The following SYT1 variants were observed in gnomAD, a reference collection of about 807,000 sequenced individuals.
The protein encoded by SYT1 is synaptotagmin-1.
A neutral mutation model predicts 44.8 loss-of-function variants in SYT1; 8 were observed. The observed-to-expected ratio is 0.18, with a 90% confidence interval of 0.10 to 0.32. The LOEUF is 0.32. SYT1 is among the 10% of genes least tolerant of loss of function. SYT1 has a pLI of 1.00. For missense variants in SYT1, 286 were observed against 509.3 expected (o/e 0.56, Z 4.22); for synonymous variants, 154 against 188.8 (o/e 0.82, Z 1.51).
intron 9 of SYT1, among the ~76,000 whole-genome samples, chr12:79,382,391 T>C (rs1432795083): frequency 1.3e-5 from 2 of 152,132 alleles, no homozygotes; most frequent in Non-Finnish European, 2.9e-5. Flanking sequence ...GTATCCTGAC[T>C]TCAAGGAATT....
chr12:79,205,644 A>C (rs1874077535), intron 3 of SYT1, among the ~76,000 whole-genome samples: 1 of 152,204 alleles, frequency 6.6e-6, no homozygotes, highest in Non-Finnish European at 1.5e-5. Context: ...TCTGTATATC[A>C]CTTTAGTAAT....
At chr12:79,078,565 T>C (rs1367358784) in intron 3 of SYT1, among the ~76,000 whole-genome samples, 1 of 152,132 alleles carries the variant, frequency 6.6e-6, no homozygotes, top group Admixed American at 6.6e-5. Flanking sequence ...CTGGGGTTCA[T>C]GTGCAGGATG....
intron 3 of SYT1, among the ~76,000 whole-genome samples, chr12:79,092,899 C>G (rs1877875399): frequency 6.6e-6 from 1 of 151,568 alleles, no homozygotes; most frequent in South Asian, 2.1e-4. Flanking sequence ...AAGTCATTGA[C>G]AAGGAAATGT....
At chr12:78,887,551 GTACAC>G (rs745677660) in intron 1 of SYT1, among the ~76,000 whole-genome samples, 1 of 151,858 alleles carries the variant, frequency 6.6e-6, no homozygotes, top group Non-Finnish European at 1.5e-5. Flanking sequence ...TCCATGCATG[GTACAC>G]ATAATTATTG....
chr12:78,936,911 T>C (rs1350879528), intron 1 of SYT1, among the ~76,000 whole-genome samples: 1 of 152,180 alleles, frequency 6.6e-6, no homozygotes, highest in South Asian at 2.1e-4. Flanking sequence ...AAGGTACCCC[T>C]GAAACTTAGG....
intron 8 of SYT1, among the ~76,000 whole-genome samples, chr12:79,334,095 C>T (rs73352976): frequency 4.6e-5 from 7 of 151,986 alleles, no homozygotes; most frequent in South Asian, 2.1e-4. Flanking sequence ...ACTGAGTATA[C>T]GCTATGTGCT....
At chr12:79,138,942 A>G (rs1367559627) in intron 3 of SYT1, among the ~76,000 whole-genome samples, 1 of 152,238 alleles carries the variant, frequency 6.6e-6, no homozygotes, top group Non-Finnish European at 1.5e-5. Context: ...ATTTTTAAAA[A>G]TCAGAATTTA....
intron 2 of SYT1, among the ~76,000 whole-genome samples, chr12:78,981,127 T>A (rs900618323): frequency 8.1e-6 from 1 of 124,050 alleles, no homozygotes; most frequent in South Asian, 2.2e-4. Flanking sequence ...GTTTCTTTGT[T>A]TTTTTTTTTT....
At chr12:79,235,915 C>G (rs978847328) in intron 4 of SYT1, among the ~76,000 whole-genome samples, 2 of 152,128 alleles carry the variant, frequency 1.3e-5, no homozygotes, top group Non-Finnish European at 1.5e-5. Context: ...AATTCACTTT[C>G]TTTTCTTTTT....
chr12:79,398,540 A>G (rs1884955636), intron 9 of SYT1, among the ~76,000 whole-genome samples: 1 of 152,212 alleles, frequency 6.6e-6, no homozygotes, highest in Admixed American at 6.5e-5. Flanking sequence ...AACGTTTAAC[A>G]GAATATGGTC....
At chr12:79,047,874 G>A (rs1032941262) in intron 3 of SYT1, among the ~76,000 whole-genome samples, 14 of 151,802 alleles carry the variant, frequency 9.2e-5, no homozygotes, top group African/African-American at 3.4e-4. Context: ...TTAACTAAAA[G>A]TGTATTTCCT....
At chr12:79,399,196 T>C (rs991810488) in intron 9 of SYT1, among the ~76,000 whole-genome samples, 2 of 152,186 alleles carry the variant, frequency 1.3e-5, no homozygotes, top group South Asian at 4.1e-4. Flanking sequence ...ATCTTTTCCT[T>C]GTTCTTTTCA....
chr12:79,129,980 CA>C (rs996849629), intron 3 of SYT1, among the ~76,000 whole-genome samples: 1 of 151,796 alleles, frequency 6.6e-6, no homozygotes, highest in Non-Finnish European at 1.5e-5. Flanking sequence ...TACACATATA[CA>C]AAAAAAGTAA....
intron 3 of SYT1, among the ~76,000 whole-genome samples, chr12:79,080,442 G>T (rs1191682699): frequency 6.6e-6 from 1 of 152,074 alleles, no homozygotes; most frequent in Non-Finnish European, 1.5e-5. Flanking sequence ...GAGAGTTAGA[G>T]AAAGTTCTGC....
At chr12:79,224,451 A>G (rs1258674288) in intron 4 of SYT1, among the ~76,000 whole-genome samples, 1 of 152,150 alleles carries the variant, frequency 6.6e-6, no homozygotes, top group Non-Finnish European at 1.5e-5. Flanking sequence ...CTTCATAAGG[A>G]GATCTGAAGG....
At chr12:78,885,351 G>GGAAC (rs1874683755) in intron 1 of SYT1, among the ~76,000 whole-genome samples, 1 of 146,848 alleles carries the variant, frequency 6.8e-6, no homozygotes, top group Non-Finnish European at 1.5e-5. Flanking sequence ...AAGGAAGGAA[G>GGAAC]GAACGAAGGA....
At position 79,273,298 on chromosome 12, in the gene SYT1, G is replaced by A. The variant is rs1878535054; in HGVS notation, c.167-12489G>A. ...CAGCTATTTTTTTTTATTATTTTTT[G>A]TAGAGCTAAGGTCTCATGTTGCCTA... On this transcript the variant is annotated intron_variant, in intron 4 of 10. Transcript: ENST00000261205. Among the ~76,000 whole-genome samples the A allele has an allele frequency of 4.6e-5, 7 of 151,382 alleles. No individual in the cohort carries two copies. In the South Asian group the frequency reaches 1.5e-3, roughly 32 times the overall value.
intron 9 of SYT1, among the ~76,000 whole-genome samples, chr12:79,415,209 T>C (rs1292696073): frequency 6.6e-6 from 1 of 152,128 alleles, no homozygotes; most frequent in African/African-American, 2.4e-5. Flanking sequence ...ACCCAGTCCT[T>C]CCATTAAGAG....
chr12:79,117,662 CA>C (rs1879351566), intron 3 of SYT1, among the ~76,000 whole-genome samples: 1 of 39,300 alleles, frequency 2.5e-5, no homozygotes, highest in African/African-American at 8.7e-5. Flanking sequence ...TGTATTACAT[CA>C]TATATATATA....
Sources: gnomAD v4.1 joint callset for allele counts (sites outside exome capture counted in the v4.1 genomes callset) on GRCh38, gnomAD v4.1.1 for gene constraint, MANE v1.5 for transcripts, NCBI Gene and HGNC (gene_info 2026-07-23, HGNC 2026-07-21) for gene names.